The following DPY19L3 variants were observed in gnomAD, a reference collection of about 807,000 sequenced individuals.
The protein encoded by DPY19L3 is dpy-19 like C-mannosyltransferase 3.
Under a neutral mutation model 92.3 loss-of-function variants are expected in DPY19L3, and 51 were observed. That is an observed-to-expected ratio of 0.55 (90% CI 0.44 to 0.70). DPY19L3 has a LOEUF of 0.70. Ranked by LOEUF, DPY19L3 falls within the 30% of genes least tolerant of loss-of-function variation. The probability of loss-of-function intolerance (pLI) is 0.00; values close to 1 mark genes in which losing one functional copy is unlikely to be tolerated. For missense variants in DPY19L3, 706 were observed against 855.9 expected (o/e 0.82, Z 2.18); for synonymous variants, 309 against 315.2 (o/e 0.98, Z 0.21).
At chr19:32,437,362 C>T (rs1969176763) in intron 6 of DPY19L3, 23 bp downstream of exon 6, 2 of 1,576,600 alleles carry the variant, frequency 1.3e-6, no homozygotes, top group Non-Finnish European at 1.7e-6. Flanking sequence ...CAGTATGCTT[C>T]TTTTTTTTCC....
chr19:32,467,127 G>A (rs1029028538), intron 15 of DPY19L3, among the ~76,000 whole-genome samples: 5 of 152,304 alleles, frequency 3.3e-5, no homozygotes, highest in Non-Finnish European at 5.9e-5. Flanking sequence ...AAATTAGGAC[G>A]TTGGTCTTGA....
chr19:32,468,983 A>G, intron 16 of DPY19L3, 170 bp downstream of exon 16: 1 of 543,234 alleles, frequency 1.8e-6, no homozygotes. Context: ...ATGTCTTTCT[A>G]TTTAAGAAAT....
intron 8 of DPY19L3, among the ~76,000 whole-genome samples, chr19:32,443,427 G>A (rs1365367868): frequency 7.2e-5 from 11 of 152,164 alleles, no homozygotes; most frequent in Non-Finnish European, 1.0e-4. Flanking sequence ...GAGGTAGGTA[G>A]GGCCTTTTAG....
intron 18 of DPY19L3, chr19:32,480,987 C>A: frequency 2.5e-6 from 1 of 397,974 alleles, no homozygotes; most frequent in South Asian, 1.1e-4. Context: ...ATTCCCCCTA[C>A]CCCTCCTGCC....
chr19:32,408,965 T>C (rs1968081845), intron 2 of DPY19L3, among the ~76,000 whole-genome samples: 1 of 152,216 alleles, frequency 6.6e-6, no homozygotes. Context: ...AAAGTTAACA[T>C]GAAAATCTTC....
rs568961422 is a variant in DPY19L3, at chr19:32,456,999, A to T, written c.1090-1101A>T. Among the ~76,000 whole-genome samples, 4 of 152,264 alleles carry T rather than the reference A, an allele frequency of 2.6e-5. No homozygotes were observed. The South Asian group carries it at 8.3e-4, about 32-fold the overall frequency. On this transcript the variant is annotated intron_variant, in intron 10 of 18. Coordinates refer to ENST00000392250, the MANE Select transcript of DPY19L3 (RefSeq NM_001172774.2). ...AATGTAGCAAAATCTAAACTCTACTAAAAAAATTTTTTTCAAAACTTGAGT... is the reference window on the plus strand; with the variant it reads ...AATGTAGCAAAATCTAAACTCTACTTAAAAAATTTTTTTCAAAACTTGAGT...
intron 16 of DPY19L3, among the ~76,000 whole-genome samples, chr19:32,471,102 T>C (rs1970344985): frequency 6.6e-6 from 1 of 152,200 alleles, no homozygotes; most frequent in Non-Finnish European, 1.5e-5. Flanking sequence ...TTTCTTCTGT[T>C]TTTGAAACGT....
chr19:32,454,791 T>G lies in DPY19L3; in HGVS notation c.988-148T>G. The G allele has an allele frequency of 7.5e-6, 4 of 534,746 alleles. No individual in the cohort carries two copies. The South Asian group carries it at 1.1e-4, about 14-fold the overall frequency. The allele number at this position is 534,746 out of a possible 1,614,324, so 33.1% of individuals were successfully genotyped here. A position where few individuals can be genotyped will look rare whatever the true frequency, so the allele number is the denominator to read the frequency against. ...CAAATATTAAGACAGTGTAACCTCATGAAAATGAGTAGGTTGTATTTTCCA... is the reference window on the plus strand; with the variant it reads ...CAAATATTAAGACAGTGTAACCTCAGGAAAATGAGTAGGTTGTATTTTCCA... On this transcript the variant is annotated intron_variant, in intron 9 of 18. Coordinates refer to ENST00000392250, the MANE Select transcript of DPY19L3 (RefSeq NM_001172774.2).
At chr19:32,449,843 C>G (rs1816104938) in intron 8 of DPY19L3, among the ~76,000 whole-genome samples, 1 of 152,130 alleles carries the variant, frequency 6.6e-6, no homozygotes, top group African/African-American at 2.4e-5. Flanking sequence ...CTCTTCCTGA[C>G]CTTGGAGTAG....
chr19:32,459,792 A>T (rs1411291313), intron 12 of DPY19L3, among the ~76,000 whole-genome samples: 2 of 152,246 alleles, frequency 1.3e-5, no homozygotes, highest in Non-Finnish European at 2.9e-5. Flanking sequence ...TTCATCTGCC[A>T]GATAGGGATA....
chr19:32,414,171 C>T lies in DPY19L3; in HGVS notation c.237+2799C>T, dbSNP rs537357388. Among the ~76,000 whole-genome samples the T allele has an allele frequency of 3.9e-5, 6 of 152,090 alleles. No homozygotes were observed. In the South Asian group the frequency reaches 6.2e-4, roughly 16 times the overall value. On this transcript the variant is annotated intron_variant, in intron 3 of 18. Transcript: ENST00000392250. ...CGCAGTGGCTCACACCTTTAATGCC[C>T]GCACTTTGGGAGGCCGTGGCGGGCG...
At chr19:32,425,154 CTG>C (rs1242477690) in intron 3 of DPY19L3, among the ~76,000 whole-genome samples, 1 of 152,122 alleles carries the variant, frequency 6.6e-6, no homozygotes, top group Non-Finnish European at 1.5e-5. Context: ...TCTTTTATAA[CTG>C]TGGAGTAGGC....
chr19:32,463,342 T>C (rs1970099520), intron 12 of DPY19L3, 24 bp from the exon 13 acceptor site: 1 of 1,611,952 alleles, frequency 6.2e-7, no homozygotes, highest in African/African-American at 1.3e-5. Context: ...CAGCTTAAAT[T>C]TTGTATGTTG....
At chr19:32,464,096 A>C (rs1030708346) in intron 14 of DPY19L3, 116 bp downstream of exon 14, 1 of 488,568 alleles carries the variant, frequency 2.0e-6, no homozygotes, top group African/African-American at 2.0e-5. Flanking sequence ...ATTGAAGCTG[A>C]AAATACATAA....
intron 3 of DPY19L3, among the ~76,000 whole-genome samples, chr19:32,432,354 T>C (rs1968996984): frequency 6.6e-6 from 1 of 152,222 alleles, no homozygotes; most frequent in African/African-American, 2.4e-5. Context: ...ATGATTGATC[T>C]TATGTAATAT....
chr19:32,456,849 CAAAAATT>C (rs144070461), intron 10 of DPY19L3, among the ~76,000 whole-genome samples: 23,939 of 151,950 alleles, frequency 0.16, 2,326 homozygotes, highest in Middle Eastern at 0.25. Context: ...TATATGCCCA[CAAAAATT>C]AAAAATTAAA....
Position 32,482,492 on chromosome 19 carries a change from C to G in DPY19L3, c.*252C>G. On this transcript the variant is annotated 3_prime_UTR_variant, in exon 19 of 19. Coordinates refer to ENST00000392250, the MANE Select transcript of DPY19L3 (RefSeq NM_001172774.2). Reference sequence around the variant, plus strand: ...ATGTTAACAACTTTCTAAGAGTGACCTAGAATTATGTTGTTGGAGAGAATG... The same window carrying G: ...ATGTTAACAACTTTCTAAGAGTGACGTAGAATTATGTTGTTGGAGAGAATG... The G allele has an allele frequency of 5.1e-6, 2 of 391,552 alleles. No homozygotes were observed. 24.3% of individuals were successfully genotyped at this position (391,552 alleles called of 1,614,324 possible).
At chr19:32,406,174 T>G (rs1288594441) in intron 1 of DPY19L3, 1 of 151,878 alleles carries the variant, frequency 6.6e-6, no homozygotes, top group African/African-American at 2.4e-5. Flanking sequence ...AGGCAGGGCC[T>G]GGGCTGCGAC....
chr19:32,460,257 A>G (rs1480211217), intron 12 of DPY19L3, among the ~76,000 whole-genome samples: 1 of 152,084 alleles, frequency 6.6e-6, no homozygotes, highest in Non-Finnish European at 1.5e-5. Flanking sequence ...AAAGAAAAAG[A>G]AAAATTAGCC....
Sources: gnomAD v4.1 joint callset for allele counts (sites outside exome capture counted in the v4.1 genomes callset) on GRCh38, gnomAD v4.1.1 for gene constraint, MANE v1.5 for transcripts, NCBI Gene and HGNC (gene_info 2026-07-23, HGNC 2026-07-21) for gene names.